RDH13: variants seen among roughly 807,000 people sequenced by gnomAD.
RDH13 encodes the protein retinol dehydrogenase 13, also known as retinol dehydrogenase 13 (all-trans and 9-cis).
A neutral mutation model predicts 28.3 loss-of-function variants in RDH13; 35 were observed. The observed-to-expected ratio is 1.24, with a 90% confidence interval of 0.95 to 1.64. The LOEUF (loss-of-function observed/expected upper bound fraction) is 1.64. Ranked by LOEUF, RDH13 falls within the 40% of genes most tolerant of loss-of-function variation. The pLI, the probability that RDH13 is intolerant of heterozygous loss-of-function variation, is 0.00. For synonymous variants in RDH13, 229 were observed against 198.5 expected (o/e 1.15, Z -1.29); for missense variants, 514 against 446.3 (o/e 1.15, Z -1.37).
chr19:55,052,302 G>A (rs2075470964), intron 3 of RDH13, among the ~76,000 whole-genome samples: 1 of 151,778 alleles, frequency 6.6e-6, no homozygotes, highest in African/African-American at 2.4e-5. Flanking sequence ...CAGCTACTCA[G>A]GAGGCTGAGG....
upstream of RDH13, among the ~76,000 whole-genome samples, chr19:55,068,105 C>A (rs1055032042): frequency 6.7e-6 from 1 of 148,488 alleles, no homozygotes; most frequent in Admixed American, 6.8e-5. Context: ...TCCTCTCACT[C>A]TTCCTGTTTC....
chr19:55,067,689 T>C (rs1487503965), upstream of RDH13: 1 of 152,124 alleles, frequency 6.6e-6, no homozygotes, highest in Non-Finnish European at 1.5e-5. Context: ...GAATTTCTTC[T>C]TTTCTGGCTG....
intron 2 of RDH13, among the ~76,000 whole-genome samples, chr19:55,058,343 A>G (rs931363068): frequency 6.6e-6 from 1 of 151,538 alleles, no homozygotes; most frequent in African/African-American, 2.4e-5. Context: ...AGCCAAGATC[A>G]TGCCACTGCA....
At chr19:55,060,069 A>G (rs1007123592) in intron 1 of RDH13, among the ~76,000 whole-genome samples, 4 of 152,088 alleles carry the variant, frequency 2.6e-5, no homozygotes, top group Non-Finnish European at 4.4e-5. Context: ...ATAGTCTGAA[A>G]TATGGCCTCG....
At chr19:55,053,892 CT>C (rs1432218131) in intron 3 of RDH13, 1 of 152,090 alleles carries the variant, frequency 6.6e-6, no homozygotes, top group African/African-American at 2.4e-5. Context: ...GGTGACAGTG[CT>C]GTACCTGGTA....
chr19:55,057,226 G>A (rs1230643400), intron 2 of RDH13, among the ~76,000 whole-genome samples: 3 of 152,156 alleles, frequency 2.0e-5, no homozygotes, highest in African/African-American at 7.2e-5. Context: ...TGGTTTTCTA[G>A]GGCAGGGGGT....
downstream of RDH13, chr19:55,040,563 T>C (rs2075002269): frequency 6.6e-6 from 1 of 152,232 alleles, no homozygotes; most frequent in South Asian, 2.1e-4. Flanking sequence ...TCAGTGACCA[T>C]GGTTGAATGC....
At chr19:55,062,940 C>A (rs533026617) in intron 1 of RDH13, 28 bp downstream of exon 1, 4 of 1,436,384 alleles carry the variant, frequency 2.8e-6, no homozygotes, top group Middle Eastern at 2.1e-4. Context: ...CCGCCTTGAC[C>A]GCGCACGCGG....
chr19:55,052,662 GTTT>G (rs1181936009), intron 3 of RDH13, among the ~76,000 whole-genome samples: 2 of 148,782 alleles, frequency 1.3e-5, no homozygotes, highest in African/African-American at 4.9e-5. Flanking sequence ...CTGCCTCATT[GTTT>G]TTTATTTTTT....
At chr19:55,061,417 C>T (rs983549439) in intron 1 of RDH13, among the ~76,000 whole-genome samples, 1 of 152,012 alleles carries the variant, frequency 6.6e-6, no homozygotes, top group Non-Finnish European at 1.5e-5. Flanking sequence ...GCGTGAGCCA[C>T]CACACCCAAC....
At position 55,060,415 on chromosome 19, in the gene RDH13, A is replaced by C. The variant is rs1602800536; in HGVS notation, c.66-1140T>G. Among the ~76,000 whole-genome samples the C allele has an allele frequency of 2.0e-5, 3 of 152,166 alleles. No homozygotes were observed. The South Asian group carries it at 6.2e-4, about 31-fold the overall frequency. On this transcript the variant is annotated intron_variant, in intron 1 of 6. Transcript: ENST00000415061. ...ATAGTACCTTCCCTTGAACTTAATT[A>C]TGTCATAGATTCTTTTGCTCACATG...
chr19:55,042,905 C>G (rs544898306), downstream of RDH13: 4 of 152,402 alleles, frequency 2.6e-5, no homozygotes, highest in Non-Finnish European at 5.9e-5. Flanking sequence ...TGACGAGGGA[C>G]GCTACCATCA....
upstream of RDH13, among the ~76,000 whole-genome samples, chr19:55,065,132 T>C (rs2075937403): frequency 6.7e-6 from 1 of 149,596 alleles, no homozygotes; most frequent in South Asian, 2.2e-4. Context: ...ATGCCTGTAA[T>C]CCCAGCACTT....
intron 1 of RDH13, among the ~76,000 whole-genome samples, chr19:55,060,287 G>A (rs2075770973): frequency 6.6e-6 from 1 of 151,644 alleles, no homozygotes; most frequent in South Asian, 2.1e-4. Context: ...CCCTATGGCG[G>A]GAGGCGAGAC....
intron 1 of RDH13, among the ~76,000 whole-genome samples, chr19:55,059,656 C>T (rs934469824): frequency 6.6e-5 from 10 of 152,030 alleles, no homozygotes; most frequent in African/African-American, 1.7e-4. Context: ...GGCGAGACCC[C>T]GTCTCTACTT....
intron 1 of RDH13, 120 bp from the exon 2 acceptor site, chr19:55,059,395 ACAT>A (rs2075741092): frequency 1.5e-6 from 1 of 647,576 alleles, no homozygotes; most frequent in Non-Finnish European, 2.7e-6. Flanking sequence ...TGAAACACAG[ACAT>A]CATCACATCA....
At chr19:55,040,445 G>C (rs532912964), downstream of RDH13, 1 of 152,248 alleles carries the variant, frequency 6.6e-6, no homozygotes, top group African/African-American at 2.4e-5. Context: ...CACCGCGCCC[G>C]GCCAGTGCCG....
Position 55,059,179 on chromosome 19 carries a change from G to C in RDH13, c.162C>G (p.Thr54=), listed in dbSNP as rs189747727. ...TACCTCTCCTGGCCAGTTCCAAGGC[G>C]GTCTGCTTCCCGATGCCTGTGTTGG... ...TGANTGIGKQ[T]ALELARRGGN... is the part of the protein sequence containing the mutation. The change falls in exon 2 of 7, where the codon ACC becomes ACG. Residue 54 remains threonine (T), a synonymous_variant. Coordinates refer to ENST00000415061, the MANE Select transcript of RDH13 (RefSeq NM_001145971.2). 1 of 1,598,084 alleles carries C rather than the reference G, an allele frequency of 6.3e-7. No individual in the cohort carries two copies. The highest frequency in any genetic ancestry group is 1.7e-4 in the Middle Eastern group (1 of 6,042).
intron 2 of RDH13, among the ~76,000 whole-genome samples, chr19:55,057,922 G>A (rs1020728918): frequency 3.3e-5 from 5 of 151,650 alleles, no homozygotes; most frequent in African/African-American, 9.7e-5. Context: ...GGGACTATAG[G>A]TACCACCTGT....
Sources: allele counts gnomAD v4.1 joint callset (sites outside exome capture counted in the v4.1 genomes callset), GRCh38; gene constraint gnomAD v4.1.1; transcripts MANE v1.5; gene names NCBI Gene and HGNC (gene_info 2026-07-23, HGNC 2026-07-21).